The following FAM193B variants were observed in gnomAD, a reference collection of about 807,000 sequenced individuals.
FAM193B encodes the protein family with sequence similarity 193 member B, also known as protein FAM193B.
A neutral mutation model predicts 70.7 loss-of-function variants in FAM193B; 27 were observed. The ratio of observed to expected loss-of-function variants is 0.38; its 90% confidence interval spans 0.28 to 0.53. The LOEUF (loss-of-function observed/expected upper bound fraction) is 0.53, where lower values mean the gene tolerates loss of function less well. Ranked by LOEUF, FAM193B falls within the 20% of genes least tolerant of loss-of-function variation. The probability of loss-of-function intolerance (pLI) is 0.81; values close to 1 mark genes in which losing one functional copy is unlikely to be tolerated. For missense variants in FAM193B, 1,022 were observed against 1,072.5 expected (o/e 0.95, Z 0.66); for synonymous variants, 448 against 436.0 (o/e 1.03, Z -0.34).
At chr5:177,520,557 G>C (rs991875648) in intron 8 of FAM193B, among the ~76,000 whole-genome samples, 5 of 152,184 alleles carry the variant, frequency 3.3e-5, no homozygotes, top group African/African-American at 1.2e-4. Context: ...ACTAGGGGGT[G>C]GGGAGAGGGG....
At chr5:177,539,228 A>T in intron 1 of FAM193B, 81 bp from the exon 2 acceptor site, 1 of 1,435,070 alleles carries the variant, frequency 7.0e-7, no homozygotes, top group Non-Finnish European at 9.2e-7. Context: ...TAGTAATGCC[A>T]CTTATTACGT....
intron 3 of FAM193B, among the ~76,000 whole-genome samples, chr5:177,537,430 C>T (rs1292245233): frequency 1.3e-5 from 2 of 152,216 alleles, no homozygotes; most frequent in East Asian, 3.8e-4. Flanking sequence ...ATAACTATTA[C>T]GGCTTACACT....
In FAM193B at chr5:177,547,526, C is replaced by T. The variant is rs546764999; in HGVS notation, c.210+6723G>A. ...GTCTCGATCTCCTGACCTCGTGATC[C>T]TCCCGTCTCGGCCTCCCAAAGTGCT... On this transcript the variant is annotated intron_variant, in intron 1 of 8. Transcript: ENST00000514747. Among the ~76,000 whole-genome samples the T allele has an allele frequency of 3.6e-4, 55 of 151,422 alleles. No individual in the cohort carries two copies. The South Asian group carries it at 9.8e-3, about 27-fold the overall frequency.
At chr5:177,534,344 T>C (rs1763914300) in intron 4 of FAM193B, among the ~76,000 whole-genome samples, 1 of 148,768 alleles carries the variant, frequency 6.7e-6, no homozygotes, top group Admixed American at 6.8e-5. Flanking sequence ...CCAAGCTGGA[T>C]GGAGTGCAGT....
In FAM193B at chr5:177,524,625, C is replaced by A. The variant is rs552526393; in HGVS notation, c.1856G>T (p.Ser619Ile). Residue 619 changes from serine to isoleucine, a missense_variant, in exon 6 of 9, where the codon AGT (serine) becomes ATT (isoleucine). Coordinates refer to ENST00000514747, the MANE Select transcript of FAM193B (RefSeq NM_001190946.3). ...AGGCTCAGGCAGCTCCTGCTTGCAA[C>A]TGGGAACTTCCTTTGAGCTTGGCTC... ...SEEPSSKEVP[S>I]CKQELPEPVS... is the part of the protein sequence containing the mutation. The A allele has an allele frequency of 6.2e-7, 1 of 1,612,758 alleles. No individual in the cohort carries two copies. Among genetic ancestry groups the A allele is most frequent in the South Asian group, 1.1e-5 (1 of 90,964 alleles).
intron 7 of FAM193B, chr5:177,523,299 CA>C (rs1418069884): frequency 6.7e-6 from 2 of 300,356 alleles, no homozygotes; most frequent in Non-Finnish European, 1.4e-5. Flanking sequence ...CGCGCTTGGC[CA>C]AAAATACTAA....
rs371661866 is a variant in FAM193B, at chr5:177,524,226, C to T, written c.2255G>A (p.Arg752His). 1.7e-5 allele frequency: 27 copies of T among 1,546,404 alleles called. No homozygotes were observed. The highest frequency in any genetic ancestry group is 1.2e-4 in the African/African-American group (9 of 73,046). Reference sequence around the variant, plus strand: ...CTTCTCCTGCTTGTTGCGGCTCCGGCGGCTGCGGCCCTTGCCCTGGGGCAA... The same window carrying T: ...CTTCTCCTGCTTGTTGCGGCTCCGGTGGCTGCGGCCCTTGCCCTGGGGCAA... ...QSLPQGKGRS[R>H]RSRNKQEKPA... is the part of the protein sequence containing the mutation. The change falls in exon 6 of 9, where the codon CGC becomes CAC. Residue 752 changes from arginine to histidine, a missense_variant. Physicochemically the swap from Arg to His is conservative, Grantham distance 29. Transcript: ENST00000514747.
intron 1 of FAM193B, among the ~76,000 whole-genome samples, chr5:177,540,711 G>C (rs528217750): frequency 6.6e-6 from 1 of 152,310 alleles, no homozygotes; most frequent in African/African-American, 2.4e-5. Context: ...GCCGAGAGCA[G>C]ACTCATGAGA....
chr5:177,549,326 G>A (rs929596383), intron 1 of FAM193B, among the ~76,000 whole-genome samples: 1 of 151,640 alleles, frequency 6.6e-6, no homozygotes, highest in African/African-American at 2.4e-5. Context: ...CAAAGTAGCT[G>A]GGACTATAGG....
At chr5:177,544,257 C>A (rs991690364) in intron 1 of FAM193B, among the ~76,000 whole-genome samples, 5 of 152,208 alleles carry the variant, frequency 3.3e-5, no homozygotes, top group African/African-American at 7.2e-5. Flanking sequence ...AGGGGGCTGG[C>A]ATCTGTAGCC....
At chr5:177,522,187 T>C in intron 7 of FAM193B, 116 bp from the exon 8 acceptor site, 1 of 808,116 alleles carries the variant, frequency 1.2e-6, no homozygotes, top group Non-Finnish European at 2.0e-6. Flanking sequence ...ACAAAACCTC[T>C]TTGGCTCTCA....
At position 177,525,119 on chromosome 5, in the gene FAM193B, C is replaced by A; in HGVS notation, c.1362G>T (p.Glu454Asp). ...CCCGGTCGGGCCACTCCAAGAGCCT[C>A]TCCCTGGCAGGCCTTGGCTCCCGGC... ...SGSREPRPAR[E>D]RLLEWPDREL... is the part of the protein sequence containing the mutation. The change falls in exon 6 of 9, where the codon GAG becomes GAT. Residue 454 changes from glutamate (E) to aspartate (D), a missense_variant. Glu to Asp is a conservative substitution (Grantham distance 45). Transcript: ENST00000514747. The A allele has an allele frequency of 6.4e-7, 1 of 1,570,518 alleles. No individual in the cohort carries two copies.
chr5:177,531,644 C>A, intron 5 of FAM193B: 2 of 894,802 alleles, frequency 2.2e-6, no homozygotes, highest in Non-Finnish European at 3.0e-6. Context: ...CATTAGCCAC[C>A]AAGGCCACAT....
At chr5:177,523,043 G>A (rs144320242) in intron 7 of FAM193B, 11 of 166,598 alleles carry the variant, frequency 6.6e-5, no homozygotes, top group South Asian at 2.1e-4. Context: ...TTTTTGAGAC[G>A]GAGTCTCGTT....
intron 7 of FAM193B, among the ~76,000 whole-genome samples, 164 bp downstream of exon 7, chr5:177,523,793 A>G (rs28723606): frequency 0.99 from 151,089 of 152,364 alleles, 74,937 homozygotes; most frequent in South Asian, 1. Flanking sequence ...GTGGGTTTTC[A>G]GCAGGCAGGC....
Position 177,524,486 on chromosome 5 carries a change from C to G in FAM193B, c.1995G>C (p.Lys665Asn). 2.5e-6 allele frequency: 4 copies of G among 1,612,854 alleles called. No individual in the cohort carries two copies. Among genetic ancestry groups the G allele is most frequent in the Non-Finnish European group, 3.4e-6 (4 of 1,179,678 alleles). ...PPASLEVPSAKGQVAGPKQPG... is the reference protein window; with the variant it reads ...PPASLEVPSANGQVAGPKQPG... Reference sequence around the variant, plus strand: ...GCTGCTTGGGGCCAGCGACCTGGCCCTTGGCACTGGGAACCTCTAGGCTGG... The same window carrying G: ...GCTGCTTGGGGCCAGCGACCTGGCCGTTGGCACTGGGAACCTCTAGGCTGG... Residue 665 changes from lysine (K) to asparagine (N), a missense_variant, in exon 6 of 9, where the codon AAG (lysine) becomes AAC (asparagine). Transcript: ENST00000514747.
rs554533937 is a variant in FAM193B at position 177,548,917 on chromosome 5, C to T, written c.210+5332G>A. On this transcript the variant is annotated intron_variant, in intron 1 of 8. Coordinates refer to ENST00000514747, the MANE Select transcript of FAM193B (RefSeq NM_001190946.3). ...CTAGCCCCTTCAGCCGGATCTCTCC[C>T]GACTCTCCAAATGAGTGGTGCTCGC... is the stretch of plus-strand genomic sequence containing the variant. Among the ~76,000 whole-genome samples the T allele has an allele frequency of 9.2e-5, 14 of 152,314 alleles. No individual in the cohort carries two copies. The South Asian group carries it at 1.7e-3, about 18-fold the overall frequency.
Position 177,538,781 on chromosome 5 carries a change from A to G in FAM193B, c.453+124T>C. On this transcript the variant is annotated intron_variant, in intron 2 of 8. Transcript: ENST00000514747. This position sits in a 1 kb window ranked among gnomAD's most constrained non-coding sequence, Gnocchi z 4.1. ...TGCCAATGCTGTGCCAGTGCAGCCC[A>G]GAAGTCTCTCAGTGCCTGGGCATGG... 1 of 1,331,602 alleles carries G rather than the reference A, an allele frequency of 7.5e-7. No individual in the cohort carries two copies. The highest frequency in any genetic ancestry group is 1.5e-5 in the African/African-American group (1 of 68,614). The allele number at this position is 1,331,602 out of a possible 1,614,324, so 82.5% of individuals were successfully genotyped here. A position where few individuals can be genotyped will look rare whatever the true frequency, so the allele number is the denominator to read the frequency against.
chr5:177,539,650 C>G (rs1230074735), intron 1 of FAM193B, among the ~76,000 whole-genome samples: 4 of 152,156 alleles, frequency 2.6e-5, no homozygotes, highest in Non-Finnish European at 5.9e-5. Flanking sequence ...ATCGCAGCAA[C>G]ATTTTGGAGG....
Sources: gnomAD v4.1 joint callset for allele counts (sites outside exome capture counted in the v4.1 genomes callset) on GRCh38, gnomAD v4.1.1 for gene constraint, Gnocchi (gnomAD v3.1) non-coding constraint, MANE v1.5 for transcripts, NCBI Gene and HGNC (gene_info 2026-07-23, HGNC 2026-07-21) for gene names.